Variants in RBKS observed in about 807,000 individuals in gnomAD.
RBKS encodes the protein ribokinase.
A neutral mutation model predicts 33.9 loss-of-function variants in RBKS; 33 were observed. The observed-to-expected ratio is 0.97, with a 90% CI of 0.74 to 1.30. RBKS has a LOEUF of 1.30. Among genes scored for constraint, RBKS ranks in the 50% most tolerant of loss-of-function variants. The pLI is 0.00. For missense variants in RBKS, 361 were observed against 392.6 expected (o/e 0.92, Z 0.68); for synonymous variants, 125 against 143.0 (o/e 0.87, Z 0.90).
At position 27,848,832 on chromosome 2, in the gene RBKS, C is replaced by T. The variant is rs771062256; in HGVS notation, c.223-735G>A. ...CTATAGTCTGGGTGACAGAGTGAGA[C>T]TGTCTCAAAAAAAAAAAAAAAAAAG... On this transcript the variant is annotated intron_variant, in intron 2 of 7. Transcript: ENST00000302188. Among the ~76,000 whole-genome samples, 80 of 136,044 alleles carry T rather than the reference C, an allele frequency of 5.9e-4. 2 individuals are homozygous for T. In the Admixed American group the frequency reaches 6.2e-3, roughly 11 times the overall value. The allele number at this position is 136,044 out of a possible 152,430, so 89.3% of individuals were successfully genotyped here. A position where few individuals can be genotyped will look rare whatever the true frequency, so the allele number is the denominator to read the frequency against.
intron 2 of RBKS, among the ~76,000 whole-genome samples, chr2:27,856,219 C>G (rs577427625): frequency 6.6e-6 from 1 of 152,198 alleles, no homozygotes; most frequent in Non-Finnish European, 1.5e-5. Flanking sequence ...TAGGTTTTAG[C>G]TGCAGTCATG....
At position 27,786,796 on chromosome 2, in the gene RBKS, G is replaced by A. The variant is rs66565405; in HGVS notation, c.796-5008C>T. Among the ~76,000 whole-genome samples, 543 of 75,766 alleles carry A rather than the reference G, an allele frequency of 7.2e-3. 22 individuals are homozygous for A. Among genetic ancestry groups the A allele is most frequent in the East Asian group, 0.033 (25 of 754 alleles). The allele number at this position is 75,766 out of a possible 152,430, so 49.7% of individuals were successfully genotyped here. On this transcript the variant is annotated intron_variant, in intron 7 of 7. Coordinates refer to ENST00000302188, the MANE Select transcript of RBKS (RefSeq NM_022128.3). ...ACTGTCTCAAAAAAAAAAAAAAAAA[G>A]AAAGAAAGTTTAAAAAATATTGTAC...
At chr2:27,816,430 A>T (rs925633431) in intron 7 of RBKS, among the ~76,000 whole-genome samples, 3 of 152,036 alleles carry the variant, frequency 2.0e-5, no homozygotes, top group Non-Finnish European at 4.4e-5. Context: ...CAGCCACCAG[A>T]GTGTGCAGAG....
chr2:27,865,266 G>A (rs2148223121), intron 1 of RBKS, among the ~76,000 whole-genome samples: 1 of 152,306 alleles, frequency 6.6e-6, no homozygotes, highest in East Asian at 1.9e-4. Flanking sequence ...GTTGCAGTGA[G>A]CCGAGATCGC....
At chr2:27,843,405 T>C (rs990470954) in intron 4 of RBKS, among the ~76,000 whole-genome samples, 174 bp from the exon 5 acceptor site, 1 of 152,234 alleles carries the variant, frequency 6.6e-6, no homozygotes, top group Non-Finnish European at 1.5e-5. Context: ...AAATGTATCT[T>C]TTATAATATC....
At chr2:27,844,675 G>A (rs1663586793) in intron 4 of RBKS, among the ~76,000 whole-genome samples, 1 of 152,136 alleles carries the variant, frequency 6.6e-6, no homozygotes, top group Non-Finnish European at 1.5e-5. Flanking sequence ...GGGATTACAG[G>A]TGTGGGCTAC....
At chr2:27,781,850 A>G in intron 7 of RBKS, 62 bp from the exon 8 acceptor site, 4 of 1,371,498 alleles carry the variant, frequency 2.9e-6, no homozygotes, top group Non-Finnish European at 4.0e-6. Flanking sequence ...CAAACTGCAT[A>G]TTTTAAAGAT....
rs373696256 is a variant in RBKS, at chr2:27,837,867, C to T, written c.515-5090G>A. On this transcript the variant is annotated intron_variant, in intron 5 of 7. Coordinates refer to ENST00000302188, the MANE Select transcript of RBKS (RefSeq NM_022128.3). This position sits in a 1 kb window ranked among gnomAD's most constrained non-coding sequence, Gnocchi z 4.0. ...GGTTGAAAAGCTACCTATTGAGTAC[C>T]GTGCTCCCTACCTGGGCGCAATACT... 6.6e-5 allele frequency among the ~76,000 whole-genome samples: 10 copies of T among 152,168 alleles called. No individual in the cohort carries two copies. The highest frequency in any genetic ancestry group is 4.1e-4 in the South Asian group (2 of 4,824).
At chr2:27,811,409 G>A (rs1156255169) in intron 7 of RBKS, among the ~76,000 whole-genome samples, 3 of 152,216 alleles carry the variant, frequency 2.0e-5, no homozygotes, top group Non-Finnish European at 4.4e-5. Flanking sequence ...ACAGTGGGAT[G>A]TGCCTCATTC....
At chr2:27,876,653 G>A (rs1664321351) in intron 1 of RBKS, among the ~76,000 whole-genome samples, 1 of 152,124 alleles carries the variant, frequency 6.6e-6, no homozygotes, top group South Asian at 2.1e-4. Flanking sequence ...GTTGCCAGGG[G>A]CTGAGGGGAG....
At chr2:27,806,930 C>G (rs1345859372) in intron 7 of RBKS, among the ~76,000 whole-genome samples, 1 of 152,182 alleles carries the variant, frequency 6.6e-6, no homozygotes, top group African/African-American at 2.4e-5. Flanking sequence ...GCTTTAGGGC[C>G]ATATTTTGAG....
intron 1 of RBKS, among the ~76,000 whole-genome samples, chr2:27,871,486 T>C (rs907110065): frequency 1.1e-4 from 16 of 152,224 alleles, no homozygotes; most frequent in African/African-American, 1.7e-4. Context: ...AAAAGTCTTC[T>C]GCTGTCTCAT....
At chr2:27,871,106 A>G (rs184134071) in intron 1 of RBKS, among the ~76,000 whole-genome samples, 1 of 152,296 alleles carries the variant, frequency 6.6e-6, no homozygotes, top group East Asian at 1.9e-4. Context: ...GTTCAAGACA[A>G]ATGTCCTTAG....
chr2:27,881,063 C>A (rs11893135), intron 1 of RBKS, among the ~76,000 whole-genome samples: 134,004 of 147,812 alleles, frequency 0.91, 61,674 homozygotes, highest in Non-Finnish European at 0.98. Context: ...ACCAACCAAC[C>A]AACAAACAAA....
At chr2:27,888,419 G>A (rs749614973) in intron 1 of RBKS, among the ~76,000 whole-genome samples, 31 of 152,080 alleles carry the variant, frequency 2.0e-4, no homozygotes, top group African/African-American at 3.9e-4. Context: ...GAGCCACTGC[G>A]CCCGGTCCAC....
intron 7 of RBKS, among the ~76,000 whole-genome samples, chr2:27,804,845 CA>C (rs1677865620): frequency 6.6e-6 from 1 of 152,060 alleles, no homozygotes; most frequent in Non-Finnish European, 1.5e-5. Context: ...AGGAAGATGG[CA>C]AAACCTCGTC....
chr2:27,819,140 T>C (rs1430054528), intron 7 of RBKS, among the ~76,000 whole-genome samples: 1 of 152,164 alleles, frequency 6.6e-6, no homozygotes. Flanking sequence ...GCTTAAATAA[T>C]AGAAATTTAT....
intron 2 of RBKS, among the ~76,000 whole-genome samples, chr2:27,849,559 C>CAAAAAAAAAAAAAAA (rs70953894): frequency 5.0e-3 from 142 of 28,470 alleles, no homozygotes; most frequent in East Asian, 7.0e-3. Context: ...GACTCTGTCT[C>CAAAAAAAAAAAAAAA]AAAAAAAAAA....
intron 7 of RBKS, among the ~76,000 whole-genome samples, chr2:27,823,787 A>G (rs1164977644): frequency 1.3e-5 from 2 of 152,204 alleles, no homozygotes; most frequent in African/African-American, 4.8e-5. Flanking sequence ...GGATGCTGAG[A>G]GTCCATTCAC....
Sources: allele counts gnomAD v4.1 joint callset (sites outside exome capture counted in the v4.1 genomes callset), GRCh38; gene constraint gnomAD v4.1.1; non-coding constraint Gnocchi (gnomAD v3.1); transcripts MANE v1.5; gene names NCBI Gene and HGNC (gene_info 2026-07-23, HGNC 2026-07-21).